Variants in SLC9C1 observed in about 807,000 individuals in gnomAD.
The protein encoded by SLC9C1 is solute carrier family 9 member C1.
In SLC9C1, 97 loss-of-function variants were observed where a neutral mutation model predicts 140.9. That is an observed-to-expected ratio of 0.69 (90% confidence interval 0.58 to 0.82). SLC9C1 has a LOEUF of 0.82. Ranked by LOEUF, SLC9C1 falls within the 40% of genes least tolerant of loss-of-function variation. The pLI is 0.00. For synonymous variants in SLC9C1, 440 were observed against 442.6 expected (o/e 0.99, Z 0.07); for missense variants, 1,340 against 1,389.3 (o/e 0.96, Z 0.56).
chr3:112,249,131 C>A (rs2079377232), intron 10 of SLC9C1, among the ~76,000 whole-genome samples: 1 of 151,868 alleles, frequency 6.6e-6, no homozygotes, highest in Non-Finnish European at 1.5e-5. Context: ...CCTTCAATGT[C>A]TAGATTTTTA....
intron 10 of SLC9C1, among the ~76,000 whole-genome samples, chr3:112,258,169 G>A (rs76958212): frequency 6.6e-6 from 1 of 152,148 alleles, no homozygotes; most frequent in Non-Finnish European, 1.5e-5. Flanking sequence ...ATTACCATTT[G>A]ACCCAGCAAT....
chr3:112,277,902 G>T, intron 4 of SLC9C1, 42 bp from the exon 5 acceptor site: 2 of 1,487,208 alleles, frequency 1.3e-6, no homozygotes, highest in Non-Finnish European at 1.8e-6. Context: ...GACTGCTTTT[G>T]TAGTCCATTT....
intron 10 of SLC9C1, among the ~76,000 whole-genome samples, chr3:112,255,979 G>C (rs2079595785): frequency 6.6e-6 from 1 of 152,050 alleles, no homozygotes; most frequent in African/African-American, 2.4e-5. Context: ...AGAAAACCTA[G>C]AAGAGATGGA....
At chr3:112,262,321 A>G (rs995293318) in intron 10 of SLC9C1, among the ~76,000 whole-genome samples, 54 of 152,112 alleles carry the variant, frequency 3.6e-4, no homozygotes, top group Middle Eastern at 3.4e-3. Flanking sequence ...TTATTTAAGT[A>G]GATACATAAT....
intron 1 of SLC9C1, among the ~76,000 whole-genome samples, chr3:112,287,426 G>C (rs1205724415): frequency 6.6e-6 from 1 of 152,134 alleles, no homozygotes; most frequent in African/African-American, 2.4e-5. Context: ...GACAGACCAG[G>C]TGTTCTCTAA....
At chr3:112,196,296 G>T (rs1039182718) in intron 20 of SLC9C1, among the ~76,000 whole-genome samples, 23 of 151,828 alleles carry the variant, frequency 1.5e-4, no homozygotes, top group African/African-American at 5.3e-4. Context: ...GTGATGGATT[G>T]CTTCTCTCTT....
intron 1 of SLC9C1, 25 bp from the exon 2 acceptor site, chr3:112,286,903 T>G: frequency 3.5e-6 from 2 of 575,150 alleles, no homozygotes; most frequent in Non-Finnish European, 2.8e-6. Context: ...ATTTGCCTTC[T>G]TGGTGGCCTT....
At chr3:112,166,058 A>T (rs1157579630) in intron 26 of SLC9C1, among the ~76,000 whole-genome samples, 1 of 151,944 alleles carries the variant, frequency 6.6e-6, no homozygotes, top group Non-Finnish European at 1.5e-5. Flanking sequence ...TGGTCGTAGG[A>T]CCCTCCAAGC....
intron 13 of SLC9C1, among the ~76,000 whole-genome samples, chr3:112,230,088 C>G (rs1325488308): frequency 6.6e-6 from 1 of 152,112 alleles, no homozygotes; most frequent in Non-Finnish European, 1.5e-5. Flanking sequence ...GTTGGCTGTT[C>G]AGGTTCACCT....
At chr3:112,178,091 C>A (rs1030160082) in intron 23 of SLC9C1, among the ~76,000 whole-genome samples, 1 of 151,538 alleles carries the variant, frequency 6.6e-6, no homozygotes, top group Non-Finnish European at 1.5e-5. Flanking sequence ...CTCTTAAGTC[C>A]ATTTTTAATA....
Position 112,270,079 on chromosome 3 carries a change from T to C in SLC9C1, c.614-2A>G. On this transcript the variant is annotated splice_acceptor_variant, in intron 6 of 28. Transcript: ENST00000305815. LOFTEE classifies it high-confidence loss of function. The stretch of plus-strand genomic sequence containing the variant: ...AAATTCCACCCACGATCTCTTCAGC[T>C]ACAAGAAAGGGGCGTAAATAAGAAA... 1 of 1,540,998 alleles carries C rather than the reference T, an allele frequency of 6.5e-7. No homozygotes were observed. The highest frequency in any genetic ancestry group is 8.7e-7 in the Non-Finnish European group (1 of 1,146,888).
Position 112,165,978 on chromosome 3 carries a change from C to A in SLC9C1, c.3364+1243G>T, listed in dbSNP as rs1483128345. On this transcript the variant is annotated intron_variant, in intron 26 of 28. Coordinates refer to ENST00000305815, the MANE Select transcript of SLC9C1 (RefSeq NM_183061.3). ...TCAAGCCTAAGCAATGGCGGGTCCCCCTCCCCCAGCCTTGTTGCTGCCTTG... is the reference window on the plus strand; with the variant it reads ...TCAAGCCTAAGCAATGGCGGGTCCCACTCCCCCAGCCTTGTTGCTGCCTTG... Among the ~76,000 whole-genome samples the A allele has an allele frequency of 2.0e-5, 3 of 152,190 alleles. No homozygotes were observed. The East Asian group carries it at 5.8e-4, about 29-fold the overall frequency.
At chr3:112,250,412 C>T (rs903627116) in intron 10 of SLC9C1, among the ~76,000 whole-genome samples, 4 of 142,870 alleles carry the variant, frequency 2.8e-5, no homozygotes, top group Non-Finnish European at 4.6e-5. Context: ...TTTTATAATC[C>T]TTTGGGTATA....
At chr3:112,186,015 C>G (rs1486907960) in intron 20 of SLC9C1, 1 of 1,488,616 alleles carries the variant, frequency 6.7e-7, no homozygotes, top group African/African-American at 1.4e-5. Flanking sequence ...AGCACCTTTT[C>G]TTATGTGTAT....
chr3:112,231,664 T>C (rs971250565), intron 12 of SLC9C1, among the ~76,000 whole-genome samples, 178 bp from the exon 13 acceptor site: 3 of 152,210 alleles, frequency 2.0e-5, no homozygotes, highest in Non-Finnish European at 4.4e-5. Context: ...TGCTCAGTTA[T>C]AGAAGGTAAA....
Position 112,234,980 on chromosome 3 carries a change from G to A in SLC9C1, c.1447-3494C>T, listed in dbSNP as rs571141996. Among the ~76,000 whole-genome samples the A allele has an allele frequency of 7.2e-5, 11 of 151,842 alleles. No homozygotes were observed. In the South Asian group the frequency reaches 2.1e-3, roughly 29 times the overall value. On this transcript the variant is annotated intron_variant, in intron 12 of 28. Transcript: ENST00000305815. ...TGTGGGCTCTTTTTTGGTTCCACAT[G>A]AACTTCAAAGTAGATTTTTCCAATT...
intron 28 of SLC9C1, among the ~76,000 whole-genome samples, chr3:112,150,898 C>T (rs1280625350): frequency 6.9e-6 from 1 of 145,540 alleles, no homozygotes; most frequent in Non-Finnish European, 1.5e-5. Flanking sequence ...AGTGCAATGG[C>T]GTGATCTCGG....
chr3:112,180,802 C>G, intron 21 of SLC9C1, 140 bp from the exon 22 acceptor site: 1 of 638,036 alleles, frequency 1.6e-6, no homozygotes, highest in Non-Finnish European at 2.7e-6. Context: ...GTGGTGCAAT[C>G]TTGGCTCACT....
chr3:112,229,566 G>A (rs946075610), intron 13 of SLC9C1, among the ~76,000 whole-genome samples: 45 of 151,814 alleles, frequency 3.0e-4, no homozygotes, highest in Non-Finnish European at 6.2e-4. Flanking sequence ...ATAACACAAT[G>A]TACAAAAAGA....
Sources: gnomAD v4.1 joint callset for allele counts (sites outside exome capture counted in the v4.1 genomes callset) on GRCh38, gnomAD v4.1.1 for gene constraint, MANE v1.5 for transcripts, NCBI Gene and HGNC (gene_info 2026-07-23, HGNC 2026-07-21) for gene names.